Variants in GLRA2 observed in about 807,000 individuals in gnomAD.
The protein encoded by GLRA2 is glycine receptor alpha 2.
Under a neutral mutation model 31.6 loss-of-function variants are expected in GLRA2, and 11 were observed. The observed-to-expected ratio is 0.35, with a 90% CI of 0.22 to 0.58. The LOEUF is 0.58. Ranked by LOEUF, GLRA2 falls within the 20% of genes least tolerant of loss-of-function variation. The pLI is 0.84. For synonymous variants in GLRA2, 132 were observed against 134.0 expected (o/e 0.99, Z 0.10); for missense variants, 212 against 351.8 (o/e 0.60, Z 3.18).
intron 2 of GLRA2, among the ~76,000 whole-genome samples, chrX:14,568,692 C>CAA (rs1390018705): frequency 8.5e-5 from 2 of 23,508 alleles, no homozygotes; most frequent in East Asian, 1.7e-3. Flanking sequence ...GACTCTGTCT[C>CAA]AAAAAAAAAA....
At chrX:14,703,477 G>A (rs1321137115) in intron 8 of GLRA2, among the ~76,000 whole-genome samples, 2 of 111,907 alleles carry the variant, frequency 1.8e-5, no homozygotes, top group African/African-American at 6.5e-5. Flanking sequence ...TTGTGAGCAC[G>A]TAGATCATCT....
rs780927842 is a variant in GLRA2, at chrX:14,661,488, C to T, written c.931-29222C>T. On this transcript the variant is annotated intron_variant, in intron 7 of 8. Transcript: ENST00000218075. ...TAAAAGGTCAGGAATATTCATCCAT[C>T]TGAGAAAAAAAAATGTATAGCTGAC... Among the ~76,000 whole-genome samples the T allele has an allele frequency of 9.9e-5, 11 of 110,846 alleles. No homozygotes were observed. The East Asian group carries it at 2.5e-3, about 26-fold the overall frequency.
intron 7 of GLRA2, among the ~76,000 whole-genome samples, chrX:14,616,006 C>T (rs2090449955): frequency 9.0e-6 from 1 of 110,947 alleles, no homozygotes; most frequent in Middle Eastern, 4.2e-3. Flanking sequence ...TCTCTGCCAA[C>T]CCCCAAGAAG....
At chrX:14,634,708 A>G (rs1465437552) in intron 7 of GLRA2, among the ~76,000 whole-genome samples, 2 of 112,034 alleles carry the variant, frequency 1.8e-5, no homozygotes, top group Non-Finnish European at 3.8e-5. Context: ...CTTATCAAAT[A>G]GACATTGAGG....
the GLRA2 span, among the ~76,000 whole-genome samples, chrX:14,450,893 T>C: frequency 1.4e-4 from 16 of 111,344 alleles, no homozygotes; most frequent in Admixed American, 2.9e-4. Context: ...GTATTTTTAA[T>C]AGAGATGAGG....
intron 7 of GLRA2, among the ~76,000 whole-genome samples, chrX:14,684,843 C>T (rs995180232): frequency 4.5e-5 from 5 of 111,036 alleles, no homozygotes; most frequent in Non-Finnish European, 5.7e-5. Context: ...CCAGAACTTC[C>T]AACACTATGT....
intron 3 of GLRA2, among the ~76,000 whole-genome samples, chrX:14,579,315 A>C (rs141024296): frequency 9.2e-6 from 1 of 108,970 alleles, no homozygotes; most frequent in African/African-American, 3.3e-5. Context: ...GGAAGAATCA[A>C]GAATCTATTA....
At chrX:14,693,035 A>G (rs901045170) in intron 8 of GLRA2, among the ~76,000 whole-genome samples, 2 of 99,101 alleles carry the variant, frequency 2.0e-5, no homozygotes, top group African/African-American at 3.6e-5. Context: ...TAAAACTTAA[A>G]GTATAATAAC....
the GLRA2 span, among the ~76,000 whole-genome samples, chrX:14,459,969 TC>T: frequency 8.9e-6 from 1 of 112,181 alleles, no homozygotes; most frequent in African/African-American, 3.2e-5. Flanking sequence ...AGGGAATGCT[TC>T]CAGTTTTTGC....
chrX:14,684,536 T>A (rs2091253708), intron 7 of GLRA2, among the ~76,000 whole-genome samples: 2 of 111,553 alleles, frequency 1.8e-5, no homozygotes, highest in Admixed American at 1.9e-4. Flanking sequence ...CCTTCATATC[T>A]CTTGTGAACT....
chrX:14,559,314 C>A (rs1035479054), intron 2 of GLRA2, among the ~76,000 whole-genome samples: 20 of 110,001 alleles, frequency 1.8e-4, no homozygotes, highest in African/African-American at 6.0e-4. Flanking sequence ...ACTGGTAAAA[C>A]CATTTGCGTA....
At chrX:14,465,748 G>A in the GLRA2 span, among the ~76,000 whole-genome samples, 2,161 of 111,833 alleles carry the variant, frequency 0.019, 69 homozygotes, top group African/African-American at 0.067. Context: ...AGCATGCATT[G>A]AAGAAAACCA....
At position 14,543,988 on chromosome X, in the gene GLRA2, A is replaced by G. The variant is rs1463631120; in HGVS notation, c.202+11616A>G. Among the ~76,000 whole-genome samples, 3 of 111,392 alleles carry G rather than the reference A, an allele frequency of 2.7e-5. No individual in the cohort carries two copies. In the East Asian group the frequency reaches 8.5e-4, roughly 32 times the overall value. On this transcript the variant is annotated intron_variant, in intron 2 of 8. Transcript: ENST00000218075. ...ACAAATTTTGCCATGAAAATAGATGATGGGGAACTTAAACATACATAAAAT... is the reference window on the plus strand; with the variant it reads ...ACAAATTTTGCCATGAAAATAGATGGTGGGGAACTTAAACATACATAAAAT...
At position 14,584,264 on chromosome X, in the gene GLRA2, G is replaced by C. The variant is rs1219326047; in HGVS notation, c.494+2858G>C. ...TAAGCTCTTAGCTCTTTCAATTCAA[G>C]ATATTTGGTTTTTGTCTTTTTTGTA... On this transcript the variant is annotated intron_variant, in intron 4 of 8. Coordinates refer to ENST00000218075, the MANE Select transcript of GLRA2 (RefSeq NM_002063.4). Among the ~76,000 whole-genome samples the C allele has an allele frequency of 9.8e-5, 11 of 111,774 alleles. No homozygotes were observed. In the Admixed American group the frequency reaches 1.0e-3, roughly 11 times the overall value.
chrX:14,580,939 T>TA (rs963671267), intron 3 of GLRA2, among the ~76,000 whole-genome samples: 11 of 112,110 alleles, frequency 9.8e-5, no homozygotes, highest in African/African-American at 2.6e-4. Flanking sequence ...ATTTAAACAC[T>TA]AAAAAATTCA....
At chrX:14,647,342 A>T (rs1398217711) in intron 7 of GLRA2, among the ~76,000 whole-genome samples, 1 of 112,284 alleles carries the variant, frequency 8.9e-6, no homozygotes, top group African/African-American at 3.2e-5. Context: ...TGACTTTCCC[A>T]TCCATTGTAT....
chrX:14,495,807 A>G, the GLRA2 span, among the ~76,000 whole-genome samples: 45 of 110,638 alleles, frequency 4.1e-4, no homozygotes, highest in African/African-American at 1.2e-3. Context: ...TTATGTATGC[A>G]CAGAAAGCAT....
chrX:14,687,747 G>A (rs758779297), intron 7 of GLRA2, among the ~76,000 whole-genome samples: 32 of 111,862 alleles, frequency 2.9e-4, no homozygotes, highest in African/African-American at 8.1e-4. Flanking sequence ...TGATGGGTTC[G>A]AACTTCTTCC....
chrX:14,477,237 C>T, the GLRA2 span, among the ~76,000 whole-genome samples: 2 of 111,881 alleles, frequency 1.8e-5, no homozygotes, highest in Non-Finnish European at 3.8e-5. Flanking sequence ...CTAATAACTT[C>T]CTTTAAAATT....
Sources: gnomAD v4.1 joint callset for allele counts (sites outside exome capture counted in the v4.1 genomes callset) on GRCh38, gnomAD v4.1.1 for gene constraint, MANE v1.5 for transcripts, NCBI Gene and HGNC (gene_info 2026-07-23, HGNC 2026-07-21) for gene names.